The following FLT3LG variants were observed in gnomAD, a reference collection of about 807,000 sequenced individuals.
FLT3LG encodes fms-related tyrosine kinase 3 ligand.
A neutral mutation model predicts 30.9 loss-of-function variants in FLT3LG; 8 were observed. The ratio of observed to expected loss-of-function variants is 0.26; its 90% CI spans 0.15 to 0.47. The LOEUF is 0.47. Among genes scored for constraint, FLT3LG ranks in the 20% least tolerant of loss-of-function variants. The probability of loss-of-function intolerance (pLI) is 0.99; values close to 1 mark genes in which losing one functional copy is unlikely to be tolerated. For missense variants in FLT3LG, 278 were observed against 306.2 expected (o/e 0.91, Z 0.69); for synonymous variants, 123 against 135.9 (o/e 0.91, Z 0.66).
Position 49,476,339 on chromosome 19 carries a change from G to T in FLT3LG, c.199-84G>T. ...TCAGCCCCTCCTCCCTCAGACCCAG[G>T]AGCCCCGGCCCAGCCCCTCCTCCCT... is the stretch of plus-strand genomic sequence containing the variant. On this transcript the variant is annotated intron_variant, in intron 4 of 8. Coordinates refer to ENST00000597551, the MANE Select transcript of FLT3LG (RefSeq NM_001459.4). This position sits in a 1 kb window ranked among gnomAD's most constrained non-coding sequence, Gnocchi z 5.3. 6.6e-7 allele frequency: 1 copy of T among 1,511,308 alleles called. No individual in the cohort carries two copies. The highest frequency in any genetic ancestry group is 9.1e-7 in the Non-Finnish European group (1 of 1,099,486). The allele number at this position is 1,511,308 out of a possible 1,614,324, so 93.6% of individuals were successfully genotyped here. A position where few individuals can be genotyped will look rare whatever the true frequency, so the allele number is the denominator to read the frequency against.
rs1051233121 is a variant in FLT3LG, at chr19:49,476,018, G to A, written c.145-127G>A. On this transcript the variant is annotated intron_variant, in intron 3 of 8. Transcript: ENST00000597551. The surrounding 1 kb of genome is among the most constrained non-coding windows in gnomAD (Gnocchi z 5.3). ...CCCTTTTTAAGGGCAAGGTTCTGTG[G>A]CTTCTTCTGGGCTCCCCCTCTCTTG... 2 of 1,154,098 alleles carry A rather than the reference G, an allele frequency of 1.7e-6. No homozygotes were observed. The allele number at this position is 1,154,098 out of a possible 1,614,324, so 71.5% of individuals were successfully genotyped here. A position where few individuals can be genotyped will look rare whatever the true frequency, so the allele number is the denominator to read the frequency against.
In FLT3LG at chr19:49,476,309, A is replaced by G. The variant is rs1281685798; in HGVS notation, c.198+111A>G. The G allele has an allele frequency of 5.5e-6, 8 of 1,445,660 alleles. No individual in the cohort carries two copies. Among genetic ancestry groups the G allele is most frequent in the Admixed American group, 1.7e-5 (1 of 59,418 alleles). 89.6% of individuals were successfully genotyped at this position (1,445,660 alleles called of 1,614,324 possible). ...TCCCCTCCCCAAACCCAGGAATCAG[A>G]GTCCTCAGCCCCTCCTCCCTCAGAC... is the stretch of plus-strand genomic sequence containing the variant. On this transcript the variant is annotated intron_variant, in intron 4 of 8. Coordinates refer to ENST00000597551, the MANE Select transcript of FLT3LG (RefSeq NM_001459.4). The surrounding 1 kb of genome is among the most constrained non-coding windows in gnomAD (Gnocchi z 5.3).
At position 49,476,527 on chromosome 19, in the gene FLT3LG, G is replaced by A; in HGVS notation, c.303G>A (p.Val101=). ...AGATGCAAGGCTTGCTGGAGCGCGTGAACACGGAGATACACTTTGTCACCA... is the reference window on the plus strand; with the variant it reads ...AGATGCAAGGCTTGCTGGAGCGCGTAAACACGGAGATACACTTTGTCACCA... ...GSKMQGLLER[V]NTEIHFVTKC... The change falls in exon 5 of 9, where the codon GTG becomes GTA. Residue 101 remains valine (V), a synonymous_variant. Transcript: ENST00000597551. This position sits in a 1 kb window ranked among gnomAD's most constrained non-coding sequence, Gnocchi z 5.3. 1 of 1,614,196 alleles carries A rather than the reference G, an allele frequency of 6.2e-7. No individual in the cohort carries two copies. Among genetic ancestry groups the A allele is most frequent in the Non-Finnish European group, 8.5e-7 (1 of 1,180,040 alleles).
Position 49,476,356 on chromosome 19 carries a change from C to T in FLT3LG, c.199-67C>T. The T allele has an allele frequency of 6.4e-7, 1 of 1,558,866 alleles. No individual in the cohort carries two copies. Among genetic ancestry groups the T allele is most frequent in the Non-Finnish European group, 8.8e-7 (1 of 1,140,980 alleles). On this transcript the variant is annotated intron_variant, in intron 4 of 8. Coordinates refer to ENST00000597551, the MANE Select transcript of FLT3LG (RefSeq NM_001459.4). This position sits in a 1 kb window ranked among gnomAD's most constrained non-coding sequence, Gnocchi z 5.3. The stretch of plus-strand genomic sequence containing the variant: ...AGACCCAGGAGCCCCGGCCCAGCCC[C>T]TCCTCCCTCAGACCCAGCAGCCCCG...
intron 5 of FLT3LG, among the ~76,000 whole-genome samples, chr19:49,478,046 AAAAT>A (rs995393836): frequency 6.7e-5 from 10 of 149,882 alleles, no homozygotes; most frequent in East Asian, 2.0e-4. Flanking sequence ...CTGTCCCCAA[AAAAT>A]AAATAAATAA....
chr19:49,478,756 C>CA (rs113267803), intron 5 of FLT3LG, among the ~76,000 whole-genome samples, 153 bp from the exon 6 acceptor site: 14,166 of 145,938 alleles, frequency 0.097, 949 homozygotes, highest in South Asian at 0.24. Context: ...GACTCTATCT[C>CA]AAAAAAAAAT....
chr19:49,484,951 G>A (rs926630890), intron 8 of FLT3LG, among the ~76,000 whole-genome samples: 3 of 152,074 alleles, frequency 2.0e-5, no homozygotes, highest in Non-Finnish European at 4.4e-5. Flanking sequence ...TGGGCATGGT[G>A]GCGTGCACCC....
At chr19:49,483,786 T>C (rs2122576138) in intron 8 of FLT3LG, among the ~76,000 whole-genome samples, 1 of 149,176 alleles carries the variant, frequency 6.7e-6, no homozygotes, top group Non-Finnish European at 1.5e-5. Context: ...ATCATCATGA[T>C]TGCTAAGACC....
chr19:49,484,943 G>A (rs962783206), intron 8 of FLT3LG, among the ~76,000 whole-genome samples: 26 of 152,184 alleles, frequency 1.7e-4, no homozygotes, highest in South Asian at 8.3e-4. Flanking sequence ...AAATGAGCTG[G>A]GCATGGTGGC....
intron 8 of FLT3LG, among the ~76,000 whole-genome samples, chr19:49,483,259 G>C (rs2079677471): frequency 6.6e-6 from 1 of 151,798 alleles, no homozygotes; most frequent in Admixed American, 6.6e-5. Flanking sequence ...CCGAGTACCT[G>C]GGATTACGCC....
chr19:49,483,763 G>A (rs2079695034), intron 8 of FLT3LG, among the ~76,000 whole-genome samples: 2 of 146,944 alleles, frequency 1.4e-5, no homozygotes. Flanking sequence ...AATCCCAGTT[G>A]CTATCTCTGG....
intron 8 of FLT3LG, 169 bp downstream of exon 8, chr19:49,480,789 T>C: frequency 3.0e-6 from 2 of 658,782 alleles, no homozygotes; most frequent in South Asian, 3.9e-5. Flanking sequence ...CCCAGCACTT[T>C]GGGAGGCCGA....
chr19:49,478,763 A>T (rs983257166), intron 5 of FLT3LG, 146 bp from the exon 6 acceptor site: 2 of 736,892 alleles, frequency 2.7e-6, no homozygotes, highest in South Asian at 7.0e-5. Context: ...TCTCAAAAAA[A>T]AATTAATTAA....
intron 5 of FLT3LG, 39 bp from the exon 6 acceptor site, chr19:49,478,870 G>GGAT (rs2079492368): frequency 6.8e-7 from 1 of 1,471,446 alleles, no homozygotes; most frequent in African/African-American, 1.4e-5. Context: ...GGCGGTGGGG[G>GGAT]GATGACGTGG....
intron 8 of FLT3LG, among the ~76,000 whole-genome samples, chr19:49,485,182 TCA>T: frequency 6.6e-6 from 1 of 151,710 alleles, no homozygotes; most frequent in South Asian, 2.1e-4. Flanking sequence ...TGTTCAGTAT[TCA>T]CATGTGGCTT....
At chr19:49,483,888 A>T (rs2079701627) in intron 8 of FLT3LG, among the ~76,000 whole-genome samples, 1 of 150,528 alleles carries the variant, frequency 6.6e-6, no homozygotes, top group African/African-American at 2.4e-5. Context: ...AAAAAAAAAA[A>T]AAAAGATCAA....
chr19:49,483,676 T>A (rs1052236573), intron 8 of FLT3LG, among the ~76,000 whole-genome samples: 2 of 151,324 alleles, frequency 1.3e-5, no homozygotes, highest in African/African-American at 4.8e-5. Flanking sequence ...GAGCCCTGAT[T>A]GTGCCACTGC....
At chr19:49,483,022 A>G (rs1165863313) in intron 8 of FLT3LG, among the ~76,000 whole-genome samples, 1 of 152,210 alleles carries the variant, frequency 6.6e-6, no homozygotes, top group Non-Finnish European at 1.5e-5. Flanking sequence ...GTATTTCTCA[A>G]TGATTAATGA....
chr19:49,479,171 T>C, intron 6 of FLT3LG, 124 bp downstream of exon 6: 1 of 811,554 alleles, frequency 1.2e-6, no homozygotes. Context: ...AGCTTATTCC[T>C]CTTTCTGGAG....
Sources: gnomAD v4.1 joint callset for allele counts (sites outside exome capture counted in the v4.1 genomes callset) on GRCh38, gnomAD v4.1.1 for gene constraint, Gnocchi (gnomAD v3.1) non-coding constraint, MANE v1.5 for transcripts, NCBI Gene and HGNC (gene_info 2026-07-23, HGNC 2026-07-21) for gene names.